PLXNA2: variants seen among roughly 807,000 people sequenced by gnomAD.
PLXNA2 encodes plexin-A2.
Under a neutral mutation model 193.5 loss-of-function variants are expected in PLXNA2, and 91 were observed. That is an observed-to-expected ratio of 0.47 (90% CI 0.40 to 0.56). The LOEUF is 0.56. PLXNA2 is among the 20% of genes least tolerant of loss of function. PLXNA2 has a pLI of 0.00. For missense variants in PLXNA2, 1,995 were observed against 2,503.2 expected, an observed-to-expected ratio of 0.80 and a Z score of 4.33; for synonymous variants, 997 against 1,027.3, an observed-to-expected ratio of 0.97 and a Z score of 0.56.
At chr1:208,027,510 ATATG>A (rs1285730086) in intron 31 of PLXNA2, among the ~76,000 whole-genome samples, 172 bp from the exon 32 acceptor site, 2 of 152,168 alleles carry the variant, frequency 1.3e-5, no homozygotes, top group South Asian at 2.1e-4. Flanking sequence ...ACACCTATAT[ATATG>A]TATGTATGTA....
In PLXNA2 at chr1:208,043,154, G is replaced by A. The variant is rs1398055251; in HGVS notation, c.3924C>T (p.Asp1308=). The A allele has an allele frequency of 6.2e-7, 1 of 1,614,160 alleles. No individual in the cohort carries two copies. The highest frequency in any genetic ancestry group is 8.5e-7 in the Non-Finnish European group (1 of 1,179,988). The change falls in exon 21 of 32, where the codon GAC becomes GAT. Residue 1308 remains aspartate (D), a synonymous_variant. Coordinates refer to ENST00000367033, the MANE Select transcript of PLXNA2 (RefSeq NM_025179.4). ...TDINELTSDL[D]RSGIPYLDYR... is the part of the protein sequence containing the mutation. ...AGTCCAGGTAAGGGATTCCTGAGCG[G>A]TCCAGGTCACTGGTCAACTCATTGA...
chr1:208,081,241 C>T (rs1666331503), intron 11 of PLXNA2, among the ~76,000 whole-genome samples: 1 of 152,200 alleles, frequency 6.6e-6, no homozygotes, highest in Non-Finnish European at 1.5e-5. Flanking sequence ...AAATAATCCT[C>T]CTGGCTCCGT....
intron 3 of PLXNA2, among the ~76,000 whole-genome samples, chr1:208,152,746 T>G (rs1443469240): frequency 6.6e-6 from 1 of 151,390 alleles, no homozygotes; most frequent in Non-Finnish European, 1.5e-5. Context: ...TTTAATAATT[T>G]AGAAGAGTTC....
At chr1:208,173,928 C>T (rs1266375997) in intron 3 of PLXNA2, among the ~76,000 whole-genome samples, 2 of 152,258 alleles carry the variant, frequency 1.3e-5, no homozygotes, top group Admixed American at 6.5e-5. Flanking sequence ...GAATGCCATG[C>T]GGGTACCAGG....
intron 26 of PLXNA2, among the ~76,000 whole-genome samples, chr1:208,035,238 A>G (rs1479420177): frequency 6.6e-6 from 1 of 152,208 alleles, no homozygotes; most frequent in Non-Finnish European, 1.5e-5. Context: ...TAATTCATAC[A>G]TGGTAGAGCC....
intron 4 of PLXNA2, among the ~76,000 whole-genome samples, chr1:208,127,723 A>G (rs910213025): frequency 6.6e-6 from 1 of 152,212 alleles, no homozygotes; most frequent in Admixed American, 6.5e-5. Context: ...ATGAGGGGCC[A>G]AGAGAGAGAG....
At chr1:208,181,370 C>T (rs1446948759) in intron 3 of PLXNA2, among the ~76,000 whole-genome samples, 1 of 152,210 alleles carries the variant, frequency 6.6e-6, no homozygotes, top group African/African-American at 2.4e-5. Flanking sequence ...AGGGGTGCAG[C>T]CTAGTTCCCC....
intron 3 of PLXNA2, among the ~76,000 whole-genome samples, chr1:208,175,464 C>T (rs974430955): frequency 6.6e-6 from 1 of 152,098 alleles, no homozygotes; most frequent in African/African-American, 2.4e-5. Flanking sequence ...CACAAAGGCT[C>T]CAGCATTAAA....
At chr1:208,071,188 C>T (rs1432575113) in intron 12 of PLXNA2, among the ~76,000 whole-genome samples, 2 of 152,106 alleles carry the variant, frequency 1.3e-5, no homozygotes, top group Admixed American at 6.5e-5. Context: ...GAAGAGGTGC[C>T]GAAGAAGCCA....
chr1:208,192,898 GAAAAAGA>G (rs982588043), intron 3 of PLXNA2, among the ~76,000 whole-genome samples: 1 of 52,286 alleles, frequency 1.9e-5, no homozygotes, highest in African/African-American at 7.7e-5. Context: ...AAAAGAAAAA[GAAAAAGA>G]AAAAAAAAAA....
chr1:208,034,779 C>A (rs6540448), intron 26 of PLXNA2, among the ~76,000 whole-genome samples, 187 bp from the exon 27 acceptor site: 82,901 of 152,000 alleles, frequency 0.55, 23,117 homozygotes, highest in Non-Finnish European at 0.59. Flanking sequence ...ATAACCCAAT[C>A]AAATAGCTAC....
chr1:208,106,914 C>T (rs1294479013), intron 4 of PLXNA2, among the ~76,000 whole-genome samples: 1 of 152,142 alleles, frequency 6.6e-6, no homozygotes, highest in East Asian at 1.9e-4. Context: ...GTGGAAAGAA[C>T]CATATAAGCA....
chr1:208,160,085 CG>C (rs1446044943), intron 3 of PLXNA2, among the ~76,000 whole-genome samples: 2 of 152,210 alleles, frequency 1.3e-5, no homozygotes, highest in Admixed American at 6.5e-5. Flanking sequence ...CAGCTGCACT[CG>C]GAAGGCCTGC....
chr1:208,153,096 A>G (rs1437389882), intron 3 of PLXNA2, among the ~76,000 whole-genome samples: 1 of 152,192 alleles, frequency 6.6e-6, no homozygotes, highest in African/African-American at 2.4e-5. Context: ...TGCACACAGT[A>G]GGCTCTCAGT....
intron 13 of PLXNA2, among the ~76,000 whole-genome samples, chr1:208,058,376 G>C (rs545456204): frequency 1.4e-4 from 22 of 152,168 alleles, no homozygotes; most frequent in Admixed American, 3.3e-4. Context: ...CCTAATTGCT[G>C]AGTGATAGAT....
chr1:208,158,529 T>A (rs964005430), intron 3 of PLXNA2, among the ~76,000 whole-genome samples: 4 of 152,152 alleles, frequency 2.6e-5, no homozygotes, highest in African/African-American at 9.7e-5. Flanking sequence ...CCTCCCAAAC[T>A]GACCTGTGCC....
At chr1:208,050,879 CAG>C in intron 17 of PLXNA2, 128 bp downstream of exon 17, 1 of 674,460 alleles carries the variant, frequency 1.5e-6, no homozygotes, top group Non-Finnish European at 2.6e-6. Flanking sequence ...ATTCCAGGCT[CAG>C]AGTCTTAAGC....
chr1:208,146,454 T>A lies in PLXNA2; in HGVS notation c.1372-3991A>T, dbSNP rs569010661. On this transcript the variant is annotated intron_variant, in intron 3 of 31. Transcript: ENST00000367033. The stretch of plus-strand genomic sequence containing the variant: ...AACTGGGGTTCAAACCAGCCCCAGC[T>A]GGTGGGGTCCAGAGGAAAGCACATG... 1.0e-3 allele frequency among the ~76,000 whole-genome samples: 159 copies of A among 152,308 alleles called. 5 individuals carry two copies. The South Asian group carries it at 0.031, about 30-fold the overall frequency.
intron 3 of PLXNA2, among the ~76,000 whole-genome samples, chr1:208,177,252 G>A (rs1268084053): frequency 6.6e-6 from 1 of 152,026 alleles, no homozygotes; most frequent in African/African-American, 2.4e-5. Context: ...CCTACCTGAT[G>A]CATTCAGAGT....
Sources: gnomAD v4.1 joint callset for allele counts (sites outside exome capture counted in the v4.1 genomes callset) on GRCh38, gnomAD v4.1.1 for gene constraint, MANE v1.5 for transcripts, NCBI Gene and HGNC (gene_info 2026-07-23, HGNC 2026-07-21) for gene names.